Variants in ABCB6 observed in about 807,000 individuals in gnomAD.
ABCB6 encodes the protein ATP binding cassette subfamily B member 6 (LAN blood group).
ABCB6 carries 87 observed loss-of-function variants against 99.4 expected under a neutral mutation model. The ratio of observed to expected loss-of-function variants is 0.88; its 90% CI spans 0.74 to 1.05. The LOEUF is 1.05. Ranked by LOEUF, ABCB6 falls within the 50% of genes least tolerant of loss-of-function variation. The probability of loss-of-function intolerance (pLI) is 0.00; values close to 1 mark genes in which losing one functional copy is unlikely to be tolerated. For synonymous variants in ABCB6, 482 were observed against 447.5 expected (o/e 1.08, Z -0.97); for missense variants, 1,050 against 1,097.9 (o/e 0.96, Z 0.62).
rs935855832 is a variant in ABCB6 at position 219,210,865 on chromosome 2, G to C, written c.2144-42C>G. On this transcript the variant is annotated intron_variant, in intron 15 of 18. Transcript: ENST00000265316. ...CCACACGTTTCTTACGAAACGGAGG[G>C]AACAGGGGTCAGGGATTAGCAGGAC... 1.9e-6 allele frequency: 3 copies of C among 1,613,260 alleles called. No homozygotes were observed. The African/African-American group carries it at 4.0e-5, about 22-fold the overall frequency.
chr2:219,216,216 G>A lies in ABCB6; in HGVS notation c.971-36C>T. On this transcript the variant is annotated intron_variant, in intron 4 of 18. Transcript: ENST00000265316. The surrounding 1 kb of genome is among the most constrained non-coding windows in gnomAD (Gnocchi z 4.2). ...CCGGGGGACGCCTCAGTAGGGCCTG[G>A]GAGCTGAGGGACGTCAGCCCAGCAC... 6.4e-7 allele frequency: 1 copy of A among 1,568,780 alleles called. No homozygotes were observed. The highest frequency in any genetic ancestry group is 1.2e-5 in the South Asian group (1 of 85,864).
chr2:219,212,440 A>G lies in ABCB6; in HGVS notation c.1915T>C (p.Phe639Leu). The G allele has an allele frequency of 2.5e-6, 4 of 1,614,180 alleles. No homozygotes were observed. Among genetic ancestry groups the G allele is most frequent in the Non-Finnish European group, 3.4e-6 (4 of 1,180,026 alleles). Residue 639 changes from phenylalanine to leucine, a missense_variant, in exon 14 of 19, where the codon TTC (phenylalanine) becomes CTC (leucine). Physicochemically the swap from Phe to Leu is conservative, Grantham distance 22. Coordinates refer to ENST00000265316, the MANE Select transcript of ABCB6 (RefSeq NM_005689.4). ...ATGCAGCCAGAGCTGATGTCGTAGA[A>G]GCGAAACAGCAGGCGCAAAATTGTG... ...KSTILRLLFR[F>L]YDISSGCIRI...
chr2:219,215,817 C>T, intron 5 of ABCB6, 180 bp downstream of exon 5: 1 of 562,762 alleles, frequency 1.8e-6, no homozygotes, highest in Non-Finnish European at 2.8e-6. Flanking sequence ...AAGAGATTTG[C>T]CCTCTGCCCG....
In ABCB6 at chr2:219,218,499, C is replaced by A; in HGVS notation, c.175G>T (p.Ala59Ser). 6.2e-7 allele frequency: 1 copy of A among 1,609,004 alleles called. No individual in the cohort carries two copies. ...CCGGCCCCCCAAGACAGCGAATCAG[C>A]ACCAGCGGGCCGCTCCCGGCGTCTG... The part of the protein sequence containing the change: ...PCRRRERPAG[A>S]DSLSWGAGPR... The change falls in exon 1 of 19, where the codon GCT (alanine) becomes TCT (serine). Residue 59 changes from alanine to serine, a missense_variant. Physicochemically the swap from Ala to Ser is moderately conservative, Grantham distance 99 (BLOSUM62 1). Transcript: ENST00000265316.
chr2:219,211,621 C>CTTTTTTTT (rs34408255), intron 14 of ABCB6, among the ~76,000 whole-genome samples: 1 of 87,858 alleles, frequency 1.1e-5, no homozygotes, highest in Non-Finnish European at 2.3e-5. Context: ...ATCGTTGTAC[C>CTTTTTTTT]TTTTTTTTTT....
In ABCB6 at chr2:219,218,149, CCACCA is replaced by C; in HGVS notation, c.520_524del (p.Trp174GlyfsTer12). On this transcript the variant is annotated frameshift_variant, in exon 1 of 19. Coordinates refer to ENST00000265316, the MANE Select transcript of ABCB6 (RefSeq NM_005689.4). LOFTEE classifies it high-confidence loss of function. ...CCTGCTGGCCCAAGTCTGCCCTTGCCCACCACCACTGTGGGCTGTTCCAAGACACC... is the reference window on the plus strand; with the variant it reads ...CCTGCTGGCCCAAGTCTGCCCTTGCCCCACTGTGGGCTGTTCCAAGACACC... The C allele has an allele frequency of 6.2e-7, 1 of 1,609,690 alleles. No individual in the cohort carries two copies. Among genetic ancestry groups the C allele is most frequent in the Non-Finnish European group, 8.5e-7 (1 of 1,178,136 alleles).
rs118139177 is a variant in ABCB6 at position 219,215,191 on chromosome 2, C to G, written c.1155-109G>C. ...TTATTTTCAAGCAACAGACTGGAAC[C>G]AGTCTTAATTAATTCTACCCTCAAG... On this transcript the variant is annotated intron_variant, in intron 5 of 18. Coordinates refer to ENST00000265316, the MANE Select transcript of ABCB6 (RefSeq NM_005689.4). 2.4e-5 allele frequency: 34 copies of G among 1,411,976 alleles called. No individual in the cohort carries two copies. In the East Asian group the frequency reaches 8.1e-4, roughly 34 times the overall value. 87.5% of individuals were successfully genotyped at this position (1,411,976 alleles called of 1,614,324 possible).
At position 219,212,417 on chromosome 2, in the gene ABCB6, G is replaced by A. The variant is rs746431359; in HGVS notation, c.1938C>T (p.Cys646=). Residue 646 remains cysteine (C), a synonymous_variant, in exon 14 of 19, where the codon TGC becomes TGT. Coordinates refer to ENST00000265316, the MANE Select transcript of ABCB6 (RefSeq NM_005689.4). Reference sequence around the variant, plus strand: ...AAATGTCCTGCCCATCTATTCGGATGCAGCCAGAGCTGATGTCGTAGAAGC... The same window carrying A: ...AAATGTCCTGCCCATCTATTCGGATACAGCCAGAGCTGATGTCGTAGAAGC... ...LFRFYDISSG[C]IRIDGQDISQ... is the part of the protein sequence containing the mutation. The A allele has an allele frequency of 1.2e-6, 2 of 1,614,194 alleles. No homozygotes were observed. The highest frequency in any genetic ancestry group is 3.3e-5 in the Admixed American group (2 of 60,028).
intron 6 of ABCB6, 174 bp from the exon 7 acceptor site, chr2:219,214,672 C>G (rs2106426471): frequency 1.6e-6 from 1 of 641,184 alleles, no homozygotes; most frequent in East Asian, 2.7e-5. Flanking sequence ...GTAGAAAACG[C>G]TTTTGGTAAA....
rs767889323 is a variant in ABCB6 at position 219,217,367 on chromosome 2, C to T, written c.687+303G>A. On this transcript the variant is annotated intron_variant, in intron 2 of 18. Transcript: ENST00000265316. ...TTCCGTCTTAAAAACAAAAAGAGGC[C>T]AGGCGCAGTGGCTCACGCCTGTAAT... Among the ~76,000 whole-genome samples the T allele has an allele frequency of 4.6e-4, 69 of 150,878 alleles. 1 individual carries two copies. Among genetic ancestry groups the T allele is most frequent in the Admixed American group, 4.6e-3 (69 of 15,120 alleles).
chr2:219,215,977 C>T lies in ABCB6; in HGVS notation c.1154+20G>A. On this transcript the variant is annotated intron_variant, in intron 5 of 18. Coordinates refer to ENST00000265316, the MANE Select transcript of ABCB6 (RefSeq NM_005689.4). ...TCTCCGGCTCCACCCTCCCACATGC[C>T]CTTTCCACTGGGGCGGCACCTGAGC... 1 of 1,540,548 alleles carries T rather than the reference C, an allele frequency of 6.5e-7. No homozygotes were observed. Among genetic ancestry groups the T allele is most frequent in the Non-Finnish European group, 8.8e-7 (1 of 1,137,976 alleles).
chr2:219,211,012 C>T lies in ABCB6; in HGVS notation c.2065G>A (p.Val689Ile). The T allele has an allele frequency of 6.2e-7, 1 of 1,614,180 alleles. No homozygotes were observed. Among genetic ancestry groups the T allele is most frequent in the Non-Finnish European group, 8.5e-7 (1 of 1,180,032 alleles). Residue 689 changes from valine (V) to isoleucine (I), a missense_variant, in exon 15 of 19, where the codon GTC becomes ATC. Transcript: ENST00000265316. ...TCCACCTCATCATTCCCAGCTGTGA[C>T]ACGGCCGTAACGGATATTGTCGGCG... ...TIADNIRYGR[V>I]TAGNDEVEAA...
intron 14 of ABCB6, among the ~76,000 whole-genome samples, 160 bp downstream of exon 14, chr2:219,212,227 C>T (rs982108264): frequency 6.6e-6 from 1 of 152,146 alleles, no homozygotes; most frequent in East Asian, 1.9e-4. Flanking sequence ...CATACAAATC[C>T]TTAACATGAC....
Position 219,216,919 on chromosome 2 carries a change from T to C in ABCB6, c.688-87A>G. 13 of 1,249,184 alleles carry C rather than the reference T, an allele frequency of 1.0e-5. No homozygotes were observed. Among genetic ancestry groups the C allele is most frequent in the Non-Finnish European group, 1.3e-5 (12 of 919,160 alleles). 77.4% of individuals were successfully genotyped at this position (1,249,184 alleles called of 1,614,324 possible). A position where few individuals can be genotyped will look rare whatever the true frequency, so the allele number is the denominator to read the frequency against. On this transcript the variant is annotated intron_variant, in intron 2 of 18. Coordinates refer to ENST00000265316, the MANE Select transcript of ABCB6 (RefSeq NM_005689.4). The surrounding 1 kb of genome is among the most constrained non-coding windows in gnomAD (Gnocchi z 4.2). The stretch of plus-strand genomic sequence containing the variant: ...CCCTTCAGGGAAAAACCTATGGGGT[T>C]ACAGCTCCCAGGTATCTCAGACCCA...
chr2:219,211,259 C>T, intron 14 of ABCB6, 151 bp from the exon 15 acceptor site: 1 of 776,648 alleles, frequency 1.3e-6, no homozygotes, highest in Non-Finnish European at 2.1e-6. Flanking sequence ...CAAATCACTC[C>T]TCTCTGTTTC....
rs190408395 is a variant in ABCB6 at position 219,213,430 on chromosome 2, T to G, written c.1719+9A>C. ...CCTCCCCAAACCCTACTCCTCTCCC[T>G]TCGCTCACTTCTGTCTCCTCTTTCA... is the stretch of plus-strand genomic sequence containing the variant. On this transcript the variant is annotated intron_variant, in intron 11 of 18. Coordinates refer to ENST00000265316, the MANE Select transcript of ABCB6 (RefSeq NM_005689.4). 1 of 1,614,208 alleles carries G rather than the reference T, an allele frequency of 6.2e-7. No individual in the cohort carries two copies. The highest frequency in any genetic ancestry group is 1.3e-5 in the African/African-American group (1 of 75,066).
Position 219,216,213 on chromosome 2 carries a change from C to G in ABCB6, c.971-33G>C. 1 of 1,570,914 alleles carries G rather than the reference C, an allele frequency of 6.4e-7. No homozygotes were observed. The highest frequency in any genetic ancestry group is 2.3e-5 in the East Asian group (1 of 43,786). On this transcript the variant is annotated intron_variant, in intron 4 of 18. Transcript: ENST00000265316. The surrounding 1 kb of genome is among the most constrained non-coding windows in gnomAD (Gnocchi z 4.2). Reference sequence around the variant, plus strand: ...GAGCCGGGGGACGCCTCAGTAGGGCCTGGGAGCTGAGGGACGTCAGCCCAG... The same window carrying G: ...GAGCCGGGGGACGCCTCAGTAGGGCGTGGGAGCTGAGGGACGTCAGCCCAG...
At chr2:219,215,748 GAGC>G (rs1950630892) in intron 5 of ABCB6, 4 of 374,072 alleles carry the variant, frequency 1.1e-5, no homozygotes, top group Non-Finnish European at 4.8e-6. Context: ...CTCAAAAAAA[GAGC>G]AGAACCCAAC....
In ABCB6 at chr2:219,214,496, G is replaced by C; in HGVS notation, c.1279C>G (p.Leu427Val). The stretch of plus-strand genomic sequence containing the variant: ...CTCCACTCAGTGACCACAATGGTCA[G>C]GGCTGGAGAGTGACAGGATGGGGAG... ...VFLCMSLYLT[L>V]TIVVTEWRTK... The change falls in exon 7 of 19, where the codon CTG (leucine) becomes GTG (valine). Residue 427 changes from leucine (L) to valine (V), a missense_variant and splice_region_variant. Leu to Val is a conservative substitution (Grantham distance 32). Coordinates refer to ENST00000265316, the MANE Select transcript of ABCB6 (RefSeq NM_005689.4). 6.2e-7 allele frequency: 1 copy of C among 1,610,962 alleles called. No homozygotes were observed. Among genetic ancestry groups the C allele is most frequent in the Non-Finnish European group, 8.5e-7 (1 of 1,177,128 alleles).
Sources: gnomAD v4.1 joint callset for allele counts (sites outside exome capture counted in the v4.1 genomes callset) on GRCh38, gnomAD v4.1.1 for gene constraint, Gnocchi (gnomAD v3.1) non-coding constraint, MANE v1.5 for transcripts, NCBI Gene and HGNC (gene_info 2026-07-23, HGNC 2026-07-21) for gene names.